Variants in HUWE1 observed in about 807,000 individuals in gnomAD.
HUWE1 encodes HECT, UBA and WWE domain containing E3 ubiquitin protein ligase 1, also known as E3 ubiquitin-protein ligase HUWE1.
Under a neutral mutation model 299.4 loss-of-function variants are expected in HUWE1, and 18 were observed. That is an observed-to-expected ratio of 0.06 (90% CI 0.04 to 0.09). The LOEUF (loss-of-function observed/expected upper bound fraction) is 0.09, where lower values mean the gene tolerates loss of function less well. Among genes scored for constraint, HUWE1 ranks in the 10% least tolerant of loss-of-function variants. HUWE1 has a pLI of 1.00. For missense variants in HUWE1, 1,832 were observed against 3,462.3 expected, an observed-to-expected ratio of 0.53 and a Z score of 11.82; for synonymous variants, 1,317 against 1,286.1, an observed-to-expected ratio of 1.02 and a Z score of -0.51.
intron 19 of HUWE1, among the ~76,000 whole-genome samples, chrX:53,624,164 C>T (rs949296917): frequency 9.1e-6 from 1 of 110,313 alleles, no homozygotes; most frequent in Non-Finnish European, 1.9e-5. Flanking sequence ...TCCAGGTAGA[C>T]AGTAGAGATG....
chrX:53,618,135 T>C (rs1368852435), intron 19 of HUWE1, among the ~76,000 whole-genome samples: 2 of 111,637 alleles, frequency 1.8e-5, no homozygotes, highest in Non-Finnish European at 3.8e-5. Flanking sequence ...TATTAAAAAG[T>C]AACCAAACAA....
intron 12 of HUWE1, 147 bp downstream of exon 12, chrX:53,630,788 C>T: frequency 6.4e-6 from 3 of 468,201 alleles, no homozygotes; most frequent in Non-Finnish European, 1.1e-5. Flanking sequence ...TGAATAAATA[C>T]AGTGAACACT....
At chrX:53,549,814 T>G (rs1340459447) in intron 66 of HUWE1, among the ~76,000 whole-genome samples, 2 of 106,839 alleles carry the variant, frequency 1.9e-5, no homozygotes, top group Non-Finnish European at 3.9e-5. Flanking sequence ...TGCAGTGGCG[T>G]GATACCGGCT....
intron 74 of HUWE1, among the ~76,000 whole-genome samples, chrX:53,541,174 A>G (rs2061327608): frequency 8.9e-6 from 1 of 112,200 alleles, no homozygotes; most frequent in African/African-American, 3.2e-5. Context: ...TAACCACTAT[A>G]CATGTTTTAA....
At chrX:53,628,666 T>C in intron 14 of HUWE1, 46 bp from the exon 15 acceptor site, 5 of 1,202,833 alleles carry the variant, frequency 4.2e-6, no homozygotes, top group Non-Finnish European at 5.6e-6. Flanking sequence ...AGCTCAAAAT[T>C]GCTGTTAAGC....
chrX:53,556,800 A>G (rs1015898204), intron 60 of HUWE1, among the ~76,000 whole-genome samples: 1 of 112,588 alleles, frequency 8.9e-6, no homozygotes, highest in African/African-American at 3.2e-5. Flanking sequence ...TAGTTTAGCC[A>G]TGTAAGAAAA....
intron 81 of HUWE1, among the ~76,000 whole-genome samples, chrX:53,534,942 G>C (rs58019432): frequency 9.9e-6 from 1 of 100,754 alleles, no homozygotes; most frequent in Non-Finnish European, 2.0e-5. Context: ...AGCTGGGTTT[G>C]TTTTTTTTTT....
chrX:53,648,568 C>T (rs1391278547), intron 4 of HUWE1, among the ~76,000 whole-genome samples: 1 of 100,101 alleles, frequency 1.0e-5, no homozygotes, highest in African/African-American at 4.5e-5. Context: ...AAAACAAAAA[C>T]CCACCTTGGA....
chrX:53,550,604 T>C, intron 66 of HUWE1, 62 bp downstream of exon 66: 1 of 1,029,807 alleles, frequency 9.7e-7, no homozygotes, highest in Non-Finnish European at 1.4e-6. Context: ...CCTATAAAAC[T>C]AAGGGAGCTG....
intron 43 of HUWE1, among the ~76,000 whole-genome samples, chrX:53,578,430 T>A (rs1157817428): frequency 5.0e-5 from 4 of 80,076 alleles, no homozygotes; most frequent in Non-Finnish European, 9.4e-5. Flanking sequence ...CCGCCCCTAC[T>A]GGGAAGTGAG....
chrX:53,671,761 T>TC (rs2069546757), intron 3 of HUWE1, among the ~76,000 whole-genome samples: 1 of 82,020 alleles, frequency 1.2e-5, no homozygotes, highest in Non-Finnish European at 2.1e-5. Context: ...GCCACTGCAC[T>TC]CCGACCTGGG....
chrX:53,607,397 C>T, intron 25 of HUWE1, 126 bp downstream of exon 25: 2 of 572,644 alleles, frequency 3.5e-6, no homozygotes, highest in East Asian at 3.6e-5. Context: ...TTCACTTATA[C>T]AACATAACAC....
At chrX:53,578,694 C>G (rs2063370957) in intron 43 of HUWE1, among the ~76,000 whole-genome samples, 1 of 81,620 alleles carries the variant, frequency 1.2e-5, no homozygotes, top group African/African-American at 4.8e-5. Flanking sequence ...ATCAGCCCCC[C>G]GCCTGGCCAG....
At chrX:53,589,423 C>A (rs1199260685) in intron 36 of HUWE1, 124 bp downstream of exon 36, 3 of 656,351 alleles carry the variant, frequency 4.6e-6, no homozygotes, top group South Asian at 2.2e-5. Flanking sequence ...TCGAAAGAAT[C>A]CAAATAGAGA....
At chrX:53,561,719 C>G in intron 55 of HUWE1, 37 bp downstream of exon 55, 1 of 1,210,019 alleles carries the variant, frequency 8.3e-7, no homozygotes, top group Admixed American at 2.2e-5. Context: ...GTATAAGAAT[C>G]AAGAGAGAAA....
chrX:53,579,088 G>C (rs782100734), intron 43 of HUWE1, among the ~76,000 whole-genome samples: 1 of 74,440 alleles, frequency 1.3e-5, no homozygotes, highest in South Asian at 8.9e-4. Flanking sequence ...TCAGCCCTCC[G>C]CCCGGCCAGC....
At chrX:53,602,033 A>G (rs1165972724) in intron 28 of HUWE1, among the ~76,000 whole-genome samples, 1 of 111,950 alleles carries the variant, frequency 8.9e-6, no homozygotes, top group Non-Finnish European at 1.9e-5. Flanking sequence ...AGCACTGTCG[A>G]TAGAAATATA....
intron 4 of HUWE1, among the ~76,000 whole-genome samples, chrX:53,652,161 G>A (rs188548538): frequency 5.4e-5 from 6 of 111,980 alleles, no homozygotes; most frequent in African/African-American, 1.6e-4. Flanking sequence ...CTATTAGGAT[G>A]GCTATTGTCA....
intron 7 of HUWE1, among the ~76,000 whole-genome samples, chrX:53,635,624 TATC>T (rs2067158482): frequency 8.9e-6 from 1 of 111,967 alleles, no homozygotes; most frequent in Admixed American, 9.5e-5. Context: ...AGCCAAGCAT[TATC>T]ATATTTTTAA....
Sources: gnomAD v4.1 joint callset for allele counts (sites outside exome capture counted in the v4.1 genomes callset) on GRCh38, gnomAD v4.1.1 for gene constraint, MANE v1.5 for transcripts, NCBI Gene and HGNC (gene_info 2026-07-23, HGNC 2026-07-21) for gene names.